Variants in GALNT17 observed in about 807,000 individuals in gnomAD.
GALNT17 encodes polypeptide N-acetylgalactosaminyltransferase 17.
In GALNT17, 29 loss-of-function variants were observed where a neutral mutation model predicts 63.7. The ratio of observed to expected loss-of-function variants is 0.46; its 90% CI spans 0.34 to 0.62. GALNT17 has a LOEUF of 0.62. Ranked by LOEUF, GALNT17 falls within the 20% of genes least tolerant of loss-of-function variation. The pLI is 0.01. For synonymous variants in GALNT17, 305 were observed against 318.3 expected, an observed-to-expected ratio of 0.96 and a Z score of 0.45; for missense variants, 603 against 799.6, an observed-to-expected ratio of 0.75 and a Z score of 2.97.
chr7:71,256,343 A>T (rs1380747668), intron 1 of GALNT17, among the ~76,000 whole-genome samples: 1 of 152,198 alleles, frequency 6.6e-6, no homozygotes, highest in East Asian at 1.9e-4. Context: ...AGGCTGAGGC[A>T]GGTGGATCAT....
At chr7:71,139,831 A>G (rs1787853608) in intron 1 of GALNT17, among the ~76,000 whole-genome samples, 1 of 152,084 alleles carries the variant, frequency 6.6e-6, no homozygotes, top group South Asian at 2.1e-4. Context: ...CGTCTCTACT[A>G]AAAATACAAA....
chr7:71,412,796 A>T (rs989326334), intron 3 of GALNT17, among the ~76,000 whole-genome samples: 2 of 152,262 alleles, frequency 1.3e-5, no homozygotes, highest in East Asian at 1.9e-4. Flanking sequence ...TAATCCTAGC[A>T]CTTTAAGAGG....
intron 1 of GALNT17, among the ~76,000 whole-genome samples, chr7:71,309,544 C>A (rs916403478): frequency 6.6e-6 from 1 of 151,970 alleles, no homozygotes; most frequent in Non-Finnish European, 1.5e-5. Flanking sequence ...TTTGTCGTGT[C>A]ATTTACTGCA....
chr7:71,383,433 T>C (rs1166325645), intron 2 of GALNT17, among the ~76,000 whole-genome samples: 2 of 152,180 alleles, frequency 1.3e-5, no homozygotes, highest in African/African-American at 2.4e-5. Flanking sequence ...TTATTGATTT[T>C]ATATCATTAT....
At chr7:71,140,674 C>T (rs1787871513) in intron 1 of GALNT17, among the ~76,000 whole-genome samples, 1 of 152,186 alleles carries the variant, frequency 6.6e-6, no homozygotes, top group Non-Finnish European at 1.5e-5. Flanking sequence ...CACACCCAAG[C>T]CCAAGGCCAG....
At chr7:71,272,297 C>T (rs1398496416) in intron 1 of GALNT17, among the ~76,000 whole-genome samples, 1 of 152,208 alleles carries the variant, frequency 6.6e-6, no homozygotes, top group Non-Finnish European at 1.5e-5. Context: ...CATTCATATA[C>T]AGTCATGTGA....
chr7:71,554,322 C>T (rs1789127867), intron 5 of GALNT17, among the ~76,000 whole-genome samples: 1 of 152,148 alleles, frequency 6.6e-6, no homozygotes, highest in African/African-American at 2.4e-5. Context: ...GGGCAGTTTC[C>T]CTGCACACTC....
intron 6 of GALNT17, among the ~76,000 whole-genome samples, chr7:71,584,883 T>C (rs1365456265): frequency 1.3e-5 from 2 of 152,058 alleles, no homozygotes; most frequent in African/African-American, 4.8e-5. Context: ...GCCTCCGGAG[T>C]AGCTGGGACT....
rs531850023 is a variant in GALNT17, at chr7:71,502,814, T to A, written c.963-68471T>A. ...GTAGATTTGTGAACAAATATATTGTTTTCATAAACTAAGTTTACAATAATG... is the reference window on the plus strand; with the variant it reads ...GTAGATTTGTGAACAAATATATTGTATTCATAAACTAAGTTTACAATAATG... On this transcript the variant is annotated intron_variant, in intron 5 of 10. Coordinates refer to ENST00000333538, the MANE Select transcript of GALNT17 (RefSeq NM_022479.3). Among the ~76,000 whole-genome samples the A allele has an allele frequency of 1.3e-4, 20 of 152,328 alleles. No individual in the cohort carries two copies. In the East Asian group the frequency reaches 1.5e-3, roughly 12 times the overall value.
At chr7:71,555,171 A>G (rs898994049) in intron 5 of GALNT17, among the ~76,000 whole-genome samples, 6 of 152,226 alleles carry the variant, frequency 3.9e-5, no homozygotes, top group Non-Finnish European at 5.9e-5. Context: ...GTCTGCCCTC[A>G]TGACCCAAAC....
At chr7:71,652,525 G>GT (rs1282506199) in intron 6 of GALNT17, among the ~76,000 whole-genome samples, 1 of 152,076 alleles carries the variant, frequency 6.6e-6, no homozygotes, top group Non-Finnish European at 1.5e-5. Flanking sequence ...TGGGAAGGAG[G>GT]TTACCAGAAA....
At chr7:71,148,860 T>TTATTTATATATATATA (rs1554333241) in intron 1 of GALNT17, among the ~76,000 whole-genome samples, 1 of 103,270 alleles carries the variant, frequency 9.7e-6, no homozygotes, top group African/African-American at 3.9e-5. Context: ...TATGGTATTT[T>TTATTTATATATATATA]TATATATATA....
At chr7:71,517,642 G>A (rs1258740104) in intron 5 of GALNT17, among the ~76,000 whole-genome samples, 1 of 152,188 alleles carries the variant, frequency 6.6e-6, no homozygotes, top group Non-Finnish European at 1.5e-5. Flanking sequence ...AAGACTCCAA[G>A]AAGGATATAG....
intron 6 of GALNT17, among the ~76,000 whole-genome samples, chr7:71,659,490 G>C (rs1436289970): frequency 2.0e-5 from 3 of 152,130 alleles, no homozygotes; most frequent in Non-Finnish European, 2.9e-5. Context: ...ATGATATCTG[G>C]AATAGCTGGG....
At chr7:71,144,269 G>A (rs1001078470) in intron 1 of GALNT17, among the ~76,000 whole-genome samples, 4 of 152,010 alleles carry the variant, frequency 2.6e-5, no homozygotes, top group South Asian at 2.1e-4. Context: ...TTACCTCCTC[G>A]TCATCTGTGG....
intron 9 of GALNT17, among the ~76,000 whole-genome samples, chr7:71,698,353 A>G (rs1791576729): frequency 1.3e-5 from 2 of 152,190 alleles, no homozygotes; most frequent in South Asian, 2.1e-4. Flanking sequence ...AAAGAAATTT[A>G]TAAACACATA....
chr7:71,195,693 ACATGCCAC>A (rs1383696476), intron 1 of GALNT17, among the ~76,000 whole-genome samples: 1 of 151,998 alleles, frequency 6.6e-6, no homozygotes, highest in African/African-American at 2.4e-5. Context: ...GACTACAGGC[ACATGCCAC>A]CATGCTTGGC....
chr7:71,271,327 G>A (rs139352044), intron 1 of GALNT17, among the ~76,000 whole-genome samples: 19 of 152,350 alleles, frequency 1.2e-4, no homozygotes, highest in African/African-American at 4.1e-4. Context: ...GCACAGTCTA[G>A]CATTTTCCTT....
intron 1 of GALNT17, among the ~76,000 whole-genome samples, chr7:71,282,565 A>G (rs915711919): frequency 2.0e-5 from 3 of 152,178 alleles, no homozygotes; most frequent in Admixed American, 2.0e-4. Context: ...CAGTGTGTGT[A>G]TGTTCCAAAA....
Sources: allele counts gnomAD v4.1 joint callset (sites outside exome capture counted in the v4.1 genomes callset), GRCh38; gene constraint gnomAD v4.1.1; transcripts MANE v1.5; gene names NCBI Gene and HGNC (gene_info 2026-07-23, HGNC 2026-07-21).